RANGAP1: variants seen among roughly 807,000 people sequenced by gnomAD.
RANGAP1 encodes the protein Ran GTPase activating protein 1, also known as ran GTPase-activating protein 1.
Under a neutral mutation model 63.5 loss-of-function variants are expected in RANGAP1, and 38 were observed. The observed-to-expected ratio is 0.60, with a 90% confidence interval of 0.46 to 0.78. The LOEUF is 0.78. Among genes scored for constraint, RANGAP1 ranks in the 30% least tolerant of loss-of-function variants. The pLI is 0.00. For missense variants in RANGAP1, 630 were observed against 740.3 expected (o/e 0.85, Z 1.73); for synonymous variants, 329 against 310.5 (o/e 1.06, Z -0.63).
At position 41,268,121 on chromosome 22, in the gene RANGAP1, C is replaced by T; in HGVS notation, c.276G>A (p.Leu92=). 1 of 1,559,494 alleles carries T rather than the reference C, an allele frequency of 6.4e-7. No homozygotes were observed. The highest frequency in any genetic ancestry group is 8.7e-7 in the Non-Finnish European group (1 of 1,151,132). The change falls in exon 4 of 16, where the codon CTG becomes CTA. Residue 92 remains leucine, a synonymous_variant. Transcript: ENST00000356244. ...CCAGGGCTGGTGGGATCTCGGTCCG[C>T]AGCCTTCCCGTGAACATGTCACTCC... is the stretch of plus-strand genomic sequence containing the variant. ...CHWSDMFTGR[L]RTEIPPALIS...
At chr22:41,249,854 A>G (rs2033317517) in intron 13 of RANGAP1, 37 bp from the exon 14 acceptor site, 1 of 1,576,602 alleles carries the variant, frequency 6.3e-7, no homozygotes, top group Admixed American at 1.7e-5. Flanking sequence ...GCTGCTGGCT[A>G]TGGCAGAGGG....
intron 15 of RANGAP1, among the ~76,000 whole-genome samples, chr22:41,248,748 T>TC (rs1438782833): frequency 6.6e-6 from 1 of 152,186 alleles, no homozygotes; most frequent in Non-Finnish European, 1.5e-5. Context: ...CCTCTCTTAC[T>TC]TGACTGTGCC....
chr22:41,265,973 T>C (rs139521), intron 4 of RANGAP1, among the ~76,000 whole-genome samples: 117,820 of 151,930 alleles, frequency 0.78, 45,703 homozygotes, highest in Admixed American at 0.81. Context: ...GAGGCCAAGG[T>C]GGGCGGATCA....
intron 11 of RANGAP1, 30 bp downstream of exon 11, chr22:41,254,278 C>T: frequency 1.2e-6 from 2 of 1,613,516 alleles, no homozygotes; most frequent in Non-Finnish European, 8.5e-7. Context: ...AGGACCAGGG[C>T]TCTGATTGTG....
At chr22:41,255,971 A>T in intron 10 of RANGAP1, 50 bp downstream of exon 10, 1 of 1,547,850 alleles carries the variant, frequency 6.5e-7, no homozygotes, top group Non-Finnish European at 8.9e-7. Flanking sequence ...AAAGAAAGAA[A>T]GAAAGGAATG....
At chr22:41,250,935 C>T in intron 13 of RANGAP1, 72 bp downstream of exon 13, 1 of 1,316,492 alleles carries the variant, frequency 7.6e-7, no homozygotes, top group Non-Finnish European at 1.1e-6. Context: ...GTTACGGCAA[C>T]CACGAAGGAT....
chr22:41,274,456 G>A (rs2145814900), intron 3 of RANGAP1, 144 bp downstream of exon 3: 1 of 1,241,986 alleles, frequency 8.1e-7, no homozygotes. Flanking sequence ...TGTGTGCCCT[G>A]GGGAGGCCAG....
the RANGAP1 span, among the ~76,000 whole-genome samples, chr22:41,291,798 G>C: frequency 1.3e-5 from 2 of 151,334 alleles, no homozygotes; most frequent in South Asian, 2.1e-4. Flanking sequence ...CTACTCGGGA[G>C]GCTGAGGCAG....
chr22:41,251,432 C>T (rs2033437765), intron 12 of RANGAP1, among the ~76,000 whole-genome samples: 1 of 151,994 alleles, frequency 6.6e-6, no homozygotes, highest in Admixed American at 6.6e-5. Context: ...CTGAGACCAG[C>T]CTAGGCAACA....
intron 7 of RANGAP1, 61 bp from the exon 8 acceptor site, chr22:41,256,885 GC>G: frequency 7.4e-7 from 1 of 1,356,198 alleles, no homozygotes; most frequent in Non-Finnish European, 1.0e-6. Flanking sequence ...CCCTCAGCAA[GC>G]CCCGGGGGCC....
chr22:41,259,326 G>A (rs985836212), intron 6 of RANGAP1, among the ~76,000 whole-genome samples: 14 of 152,170 alleles, frequency 9.2e-5, no homozygotes, highest in African/African-American at 3.1e-4. Context: ...ATACAGGAAG[G>A]CCAACCTGGG....
Position 41,264,759 on chromosome 22 carries a change from C to G in RANGAP1, c.385G>C (p.Val129Leu). Residue 129 changes from valine (V) to leucine (L), a missense_variant, in exon 5 of 16, where the codon GTG (valine) becomes CTG (leucine). Physicochemically the swap from Val to Leu is conservative, Grantham distance 32. Transcript: ENST00000356244. Reference protein sequence around the residue: ...LSDNAFGPDGVQGFEALLKSS... With the variant: ...LSDNAFGPDGLQGFEALLKSS... Reference sequence around the variant, plus strand: ...TTGAGCAGGGCCTCGAAGCCTTGCACACCGTCGGGCCCGAATGCGTTGTCG... The same window carrying G: ...TTGAGCAGGGCCTCGAAGCCTTGCAGACCGTCGGGCCCGAATGCGTTGTCG... 6.2e-7 allele frequency: 1 copy of G among 1,614,180 alleles called. No homozygotes were observed. Among genetic ancestry groups the G allele is most frequent in the Non-Finnish European group, 8.5e-7 (1 of 1,179,964 alleles).
At chr22:41,262,206 C>T (rs1475602021) in intron 5 of RANGAP1, among the ~76,000 whole-genome samples, 1 of 152,148 alleles carries the variant, frequency 6.6e-6, no homozygotes, top group Non-Finnish European at 1.5e-5. Context: ...ACCCAGCTTG[C>T]CCTGTCCCTG....
intron 3 of RANGAP1, 121 bp from the exon 4 acceptor site, chr22:41,268,277 CG>C: frequency 1.2e-6 from 1 of 825,510 alleles, no homozygotes; most frequent in Admixed American, 2.3e-5. Context: ...TTTTTTGAGA[CG>C]GAGTTTCGCT....
chr22:41,294,624 C>A, the RANGAP1 span, among the ~76,000 whole-genome samples: 35 of 144,620 alleles, frequency 2.4e-4, no homozygotes, highest in Middle Eastern at 6.9e-3. Context: ...TCTTCCCGGC[C>A]GCCATCCCAT....
At chr22:41,261,763 G>A (rs560831014) in intron 5 of RANGAP1, among the ~76,000 whole-genome samples, 183 bp from the exon 6 acceptor site, 2 of 152,036 alleles carry the variant, frequency 1.3e-5, no homozygotes, top group African/African-American at 4.8e-5. Flanking sequence ...GTTACACAAG[G>A]TTTTTATCTC....
intron 1 of RANGAP1, among the ~76,000 whole-genome samples, chr22:41,282,902 T>G (rs2035569518): frequency 6.6e-6 from 1 of 152,218 alleles, no homozygotes; most frequent in South Asian, 2.1e-4. Context: ...GGGGCAGAAC[T>G]AGGGGGTGCT....
chr22:41,250,701 G>A (rs1006790590), intron 13 of RANGAP1, among the ~76,000 whole-genome samples: 4 of 152,182 alleles, frequency 2.6e-5, no homozygotes, highest in South Asian at 2.1e-4. Context: ...CCCTCCTCCC[G>A]ATAGACCTGC....
chr22:41,252,392 C>G (rs1226363980), intron 12 of RANGAP1, among the ~76,000 whole-genome samples: 1 of 152,120 alleles, frequency 6.6e-6, no homozygotes, highest in African/African-American at 2.4e-5. Context: ...TAAAATCATG[C>G]CCAAATGCAG....
Sources: allele counts gnomAD v4.1 joint callset (sites outside exome capture counted in the v4.1 genomes callset), GRCh38; gene constraint gnomAD v4.1.1; transcripts MANE v1.5; gene names NCBI Gene and HGNC (gene_info 2026-07-23, HGNC 2026-07-21).